The following THNSL1 variants were observed in gnomAD, a reference collection of about 807,000 sequenced individuals.
The protein encoded by THNSL1 is threonine synthase like 1.
Under a neutral mutation model 50.4 loss-of-function variants are expected in THNSL1, and 48 were observed. That is an observed-to-expected ratio of 0.95 (90% CI 0.76 to 1.21). THNSL1 has a LOEUF of 1.21. Among genes scored for constraint, THNSL1 ranks in the 50% most tolerant of loss-of-function variants. The pLI, the probability that THNSL1 is intolerant of heterozygous loss-of-function variation, is 0.00. For missense variants in THNSL1, 896 were observed against 871.7 expected, an observed-to-expected ratio of 1.03 and a Z score of -0.35; for synonymous variants, 309 against 306.1, an observed-to-expected ratio of 1.01 and a Z score of -0.10.
the THNSL1 span, among the ~76,000 whole-genome samples, chr10:25,000,130 G>T: frequency 6.6e-6 from 1 of 151,844 alleles, no homozygotes; most frequent in Non-Finnish European, 1.5e-5. Flanking sequence ...CATAGATTTG[G>T]GATTTTCCAG....
chr10:25,015,261 T>C (rs1198867246), upstream of THNSL1, among the ~76,000 whole-genome samples: 1 of 152,238 alleles, frequency 6.6e-6, no homozygotes. Context: ...ACATATTTTT[T>C]GGTTCATTAT....
chr10:24,993,158 AGAAAG>A, the THNSL1 span, among the ~76,000 whole-genome samples: 23 of 152,308 alleles, frequency 1.5e-4, no homozygotes, highest in Middle Eastern at 3.4e-3. Context: ...GTTTTTAAAA[AGAAAG>A]GGAATGGTGT....
chr10:25,020,487 G>T (rs1025166694), intron 1 of THNSL1, among the ~76,000 whole-genome samples: 5 of 152,076 alleles, frequency 3.3e-5, no homozygotes, highest in Admixed American at 3.3e-4. Flanking sequence ...GATTTACTGG[G>T]CCAGTATGGT....
the THNSL1 span, among the ~76,000 whole-genome samples, chr10:24,988,694 A>ATATATGTG: frequency 2.1e-4 from 7 of 33,974 alleles, no homozygotes; most frequent in African/African-American, 1.0e-3. Context: ...ATATATATAT[A>ATATATGTG]TATATATATA....
upstream of THNSL1, among the ~76,000 whole-genome samples, chr10:25,016,504 G>A (rs1234269153): frequency 2.6e-5 from 4 of 152,202 alleles, no homozygotes; most frequent in Non-Finnish European, 5.9e-5. Flanking sequence ...GGCCAGCGCC[G>A]CCAGGGAGAC....
upstream of THNSL1, chr10:25,015,748 G>A (rs73608223): frequency 0.013 from 13,140 of 1,000,646 alleles, 282 homozygotes; most frequent in African/African-American, 0.08. Flanking sequence ...CTACTTCATC[G>A]AGGCAAAAAT....
chr10:24,986,671 T>C, the THNSL1 span, among the ~76,000 whole-genome samples: 2 of 152,220 alleles, frequency 1.3e-5, no homozygotes. Context: ...TTTTTCTCTG[T>C]ATTTTCTTTT....
At chr10:24,991,323 T>G in the THNSL1 span, among the ~76,000 whole-genome samples, 1 of 152,034 alleles carries the variant, frequency 6.6e-6, no homozygotes, top group Non-Finnish European at 1.5e-5. Flanking sequence ...TCTTGAATAT[T>G]TTGAAGTCTC....
At chr10:24,984,391 A>AAAG in the THNSL1 span, 1 of 1,599,138 alleles carries the variant, frequency 6.3e-7, no homozygotes, top group Non-Finnish European at 8.5e-7. Flanking sequence ...AGAAAAAAAA[A>AAAG]AAAAAAAGTG....
the THNSL1 span, chr10:24,999,620 A>C: frequency 7.7e-7 from 1 of 1,305,270 alleles, no homozygotes. Flanking sequence ...TAAAGTTTAA[A>C]TCTTACATTT....
chr10:25,020,350 A>T (rs975390943), intron 1 of THNSL1, among the ~76,000 whole-genome samples: 1 of 152,092 alleles, frequency 6.6e-6, no homozygotes, highest in Non-Finnish European at 1.5e-5. Context: ...AGGGGAACTA[A>T]CATATAGGAA....
the THNSL1 span, among the ~76,000 whole-genome samples, chr10:24,981,230 C>A: frequency 1.3e-5 from 2 of 152,176 alleles, no homozygotes; most frequent in Non-Finnish European, 2.9e-5. Context: ...AGGTCAGGTC[C>A]TGGGCCACAT....
At chr10:24,977,799 TA>T in the THNSL1 span, among the ~76,000 whole-genome samples, 1 of 152,188 alleles carries the variant, frequency 6.6e-6, no homozygotes, top group East Asian at 1.9e-4. Flanking sequence ...AAAGTTACAT[TA>T]AAAATTGATA....
chr10:24,990,601 A>T, the THNSL1 span: 32 of 1,594,800 alleles, frequency 2.0e-5, no homozygotes, highest in African/African-American at 4.1e-4. Context: ...CAGGTGTGAC[A>T]CCATAATCCT....
chr10:25,000,394 T>G, the THNSL1 span, among the ~76,000 whole-genome samples: 1 of 152,158 alleles, frequency 6.6e-6, no homozygotes, highest in Non-Finnish European at 1.5e-5. Flanking sequence ...ATTCTACTAA[T>G]TATTGAAAGA....
the THNSL1 span, chr10:24,982,307 A>G: frequency 6.6e-6 from 1 of 152,348 alleles, no homozygotes; most frequent in East Asian, 1.9e-4. Context: ...GGAGGGAACC[A>G]TGTGTGCAGA....
At chr10:24,996,512 T>C in the THNSL1 span, among the ~76,000 whole-genome samples, 7 of 152,292 alleles carry the variant, frequency 4.6e-5, no homozygotes, top group East Asian at 7.7e-4. Context: ...TTCTTGCTTA[T>C]TGGCCGTTTT....
upstream of THNSL1, among the ~76,000 whole-genome samples, chr10:25,012,170 C>A (rs1850461701): frequency 6.6e-6 from 1 of 152,216 alleles, no homozygotes; most frequent in African/African-American, 2.4e-5. Context: ...TTGGGAACCT[C>A]CACCTAGATT....
At position 25,024,953 on chromosome 10, in the gene THNSL1, A is replaced by C. The variant is rs200090168; in HGVS notation, c.1730A>C (p.His577Pro). ...LKSSNLERHL[H>P]LMANKDGQLM... ...TCTTCAAACCTAGAACGACATTTAC[A>C]CTTGATGGCTAATAAAGATGGACAG... The change falls in exon 3 of 3, where the codon CAC (histidine) becomes CCC (proline). Residue 577 changes from histidine to proline, a missense_variant. His to Pro is a moderately conservative substitution (Grantham distance 77). Transcript: ENST00000376356. The C allele has an allele frequency of 1.9e-6, 3 of 1,614,156 alleles. No individual in the cohort carries two copies. Among genetic ancestry groups the C allele is most frequent in the Non-Finnish European group, 2.5e-6 (3 of 1,180,046 alleles).
Sources: gnomAD v4.1 joint callset for allele counts (sites outside exome capture counted in the v4.1 genomes callset) on GRCh38, gnomAD v4.1.1 for gene constraint, MANE v1.5 for transcripts, NCBI Gene and HGNC (gene_info 2026-07-23, HGNC 2026-07-21) for gene names.